Variants in ERI3 observed in about 807,000 individuals in gnomAD.
The protein encoded by ERI3 is ERI1 exoribonuclease 3.
ERI3 carries 18 observed loss-of-function variants against 44.4 expected under a neutral mutation model. That is an observed-to-expected ratio of 0.41 (90% CI 0.28 to 0.60). The LOEUF is 0.60. ERI3 is among the 20% of genes least tolerant of loss of function. The pLI is 0.36. For missense variants in ERI3, 294 were observed against 435.5 expected (o/e 0.68, Z 2.89); for synonymous variants, 183 against 164.8 (o/e 1.11, Z -0.84).
At chr1:44,310,956 C>CGT (rs1557840832) in intron 5 of ERI3, among the ~76,000 whole-genome samples, 7 of 74,028 alleles carry the variant, frequency 9.5e-5, no homozygotes, top group African/African-American at 2.2e-4. Context: ...GCACATCGCG[C>CGT]GCGCGCGCAC....
intron 6 of ERI3, among the ~76,000 whole-genome samples, chr1:44,296,999 C>T (rs924899408): frequency 1.3e-5 from 2 of 152,256 alleles, no homozygotes; most frequent in East Asian, 3.9e-4. Flanking sequence ...CAGTCAGCAC[C>T]GTGATTTGTT....
chr1:44,305,034 T>A (rs543878792), intron 6 of ERI3, among the ~76,000 whole-genome samples: 1 of 152,240 alleles, frequency 6.6e-6, no homozygotes, highest in South Asian at 2.1e-4. Flanking sequence ...GAGAACAGCA[T>A]CTGATTATCC....
At chr1:44,324,589 C>T (rs1297189701) in intron 3 of ERI3, among the ~76,000 whole-genome samples, 1 of 145,326 alleles carries the variant, frequency 6.9e-6, no homozygotes. Context: ...TCACGCCATT[C>T]TCCTGCCTCA....
At chr1:44,294,305 A>G (rs1645567261) in intron 6 of ERI3, among the ~76,000 whole-genome samples, 1 of 152,142 alleles carries the variant, frequency 6.6e-6, no homozygotes, top group Non-Finnish European at 1.5e-5. Flanking sequence ...AAGTTGCTCA[A>G]AGTCTCCAAA....
chr1:44,346,754 C>A (rs1041087020), intron 2 of ERI3, among the ~76,000 whole-genome samples: 1 of 152,064 alleles, frequency 6.6e-6, no homozygotes, highest in Non-Finnish European at 1.5e-5. Context: ...TGGTAATAGA[C>A]AAACCTAGGT....
At chr1:44,238,209 C>T (rs1200294148) in intron 8 of ERI3, among the ~76,000 whole-genome samples, 2 of 152,094 alleles carry the variant, frequency 1.3e-5, no homozygotes, top group African/African-American at 4.8e-5. Context: ...CAGAGCCACC[C>T]TCGTAAATTG....
chr1:44,310,956 C>CGCGCGCGCGCGT (rs1645949476), intron 5 of ERI3, among the ~76,000 whole-genome samples: 1 of 74,028 alleles, frequency 1.4e-5, no homozygotes, highest in Non-Finnish European at 2.7e-5. Flanking sequence ...GCACATCGCG[C>CGCGCGCGCGCGT]GCGCGCGCAC....
At chr1:44,339,364 G>GA (rs765910625) in intron 2 of ERI3, 42 bp from the exon 3 acceptor site, 134 of 1,125,202 alleles carry the variant, frequency 1.2e-4, no homozygotes, top group South Asian at 4.3e-4. Flanking sequence ...AAAAAGAAAA[G>GA]AAAGAAAAAA....
At chr1:44,250,862 T>TA (rs1644664741) in intron 7 of ERI3, among the ~76,000 whole-genome samples, 1 of 152,098 alleles carries the variant, frequency 6.6e-6, no homozygotes, top group African/African-American at 2.4e-5. Flanking sequence ...AAAATGATAT[T>TA]AAAAACGGTT....
At chr1:44,321,002 AGT>A (rs954840792) in intron 3 of ERI3, among the ~76,000 whole-genome samples, 1 of 152,084 alleles carries the variant, frequency 6.6e-6, no homozygotes, top group African/African-American at 2.4e-5. Context: ...ATCAAGGTAA[AGT>A]GGTTCTCTCC....
chr1:44,319,832 G>GT (rs1646164419), intron 3 of ERI3, 88 bp from the exon 4 acceptor site: 1 of 1,008,006 alleles, frequency 9.9e-7, no homozygotes, highest in East Asian at 2.5e-5. Context: ...AAGAATGAGT[G>GT]TTTTGGATTC....
At chr1:44,226,389 T>C (rs2154315174) in intron 8 of ERI3, among the ~76,000 whole-genome samples, 1 of 152,286 alleles carries the variant, frequency 6.6e-6, no homozygotes, top group Admixed American at 6.5e-5. Context: ...TTCAGAATTA[T>C]GATCCTAGAT....
intron 7 of ERI3, among the ~76,000 whole-genome samples, chr1:44,274,338 C>T (rs532830882): frequency 1.3e-5 from 2 of 152,344 alleles, no homozygotes; most frequent in East Asian, 3.9e-4. Context: ...ATCAAAGTAA[C>T]AGTGCCGATG....
chr1:44,309,715 C>A (rs1336127563), intron 5 of ERI3, among the ~76,000 whole-genome samples: 2 of 151,894 alleles, frequency 1.3e-5, no homozygotes, highest in South Asian at 2.1e-4. Flanking sequence ...CAGGCGCCTG[C>A]CACCATGCCT....
chr1:44,310,367 C>T (rs1461857769), intron 5 of ERI3, among the ~76,000 whole-genome samples: 1 of 152,206 alleles, frequency 6.6e-6, no homozygotes, highest in East Asian at 1.9e-4. Context: ...TGTTTAATGT[C>T]TGCCTTCCCT....
At chr1:44,319,849 G>T in intron 3 of ERI3, 105 bp from the exon 4 acceptor site, 1 of 881,606 alleles carries the variant, frequency 1.1e-6, no homozygotes, top group Non-Finnish European at 1.8e-6. Flanking sequence ...ATTCATTAGT[G>T]TTTTGGGTTC....
chr1:44,303,457 T>C (rs938814497), intron 6 of ERI3, among the ~76,000 whole-genome samples: 7 of 152,244 alleles, frequency 4.6e-5, no homozygotes, highest in Admixed American at 4.6e-4. Flanking sequence ...AACAGTTATT[T>C]ATTGAACAAC....
chr1:44,253,499 T>C (rs1644723834), intron 7 of ERI3, among the ~76,000 whole-genome samples: 1 of 152,238 alleles, frequency 6.6e-6, no homozygotes, highest in Non-Finnish European at 1.5e-5. Flanking sequence ...TTCAGCCTAA[T>C]ACCAGTTGTG....
At chr1:44,281,834 A>G (rs1645293789) in intron 7 of ERI3, among the ~76,000 whole-genome samples, 1 of 150,448 alleles carries the variant, frequency 6.6e-6, no homozygotes. Context: ...CTTGGGCTGT[A>G]TGCATTCACA....
Sources: allele counts gnomAD v4.1 joint callset (sites outside exome capture counted in the v4.1 genomes callset), GRCh38; gene constraint gnomAD v4.1.1; transcripts MANE v1.5; gene names NCBI Gene and HGNC (gene_info 2026-07-23, HGNC 2026-07-21).